Variants in ANO6 observed in about 807,000 individuals in gnomAD.
ANO6 encodes the protein anoctamin 6.
A neutral mutation model predicts 117.5 loss-of-function variants in ANO6; 106 were observed. The observed-to-expected ratio is 0.90, with a 90% CI of 0.77 to 1.06. The LOEUF (loss-of-function observed/expected upper bound fraction) is 1.06, where lower values mean the gene tolerates loss of function less well. Ranked by LOEUF, ANO6 falls within the 50% of genes least tolerant of loss-of-function variation. The pLI is 0.00. For missense variants in ANO6, 955 were observed against 1,121.1 expected (o/e 0.85, Z 2.12); for synonymous variants, 367 against 385.1 (o/e 0.95, Z 0.55).
In ANO6 at chr12:45,432,222, A is replaced by T. The variant is rs953700107; in HGVS notation, c.*2911A>T. On this transcript the variant is annotated 3_prime_UTR_variant, in exon 20 of 20. Transcript: ENST00000320560. ...TTTCACACATTGTGGCATAAGATGTAAAGTTTGTAATTAATGTTAATTTCT... is the reference window on the plus strand; with the variant it reads ...TTTCACACATTGTGGCATAAGATGTTAAGTTTGTAATTAATGTTAATTTCT... The T allele has an allele frequency of 3.2e-5, 31 of 980,090 alleles. No individual in the cohort carries two copies. Among genetic ancestry groups the T allele is most frequent in the Non-Finnish European group, 4.8e-6 (4 of 825,868 alleles). 60.7% of individuals were successfully genotyped at this position (980,090 alleles called of 1,614,324 possible).
At chr12:45,403,390 A>AT (rs1942847070) in intron 14 of ANO6, 49 bp from the exon 15 acceptor site, 1 of 1,548,502 alleles carries the variant, frequency 6.5e-7, no homozygotes, top group Admixed American at 1.7e-5. Context: ...CTATATTTCA[A>AT]GTTAGATCCA....
At chr12:45,221,321 A>C (rs1198194901) in intron 1 of ANO6, among the ~76,000 whole-genome samples, 2 of 152,206 alleles carry the variant, frequency 1.3e-5, no homozygotes, top group Non-Finnish European at 2.9e-5. Flanking sequence ...TAAAAGGTAC[A>C]TATAAAACTG....
chr12:45,295,445 G>A (rs1211986037), intron 1 of ANO6, among the ~76,000 whole-genome samples: 1 of 152,254 alleles, frequency 6.6e-6, no homozygotes, highest in African/African-American at 2.4e-5. Context: ...AGACTCAGCT[G>A]AAGTGATGTG....
intron 1 of ANO6, among the ~76,000 whole-genome samples, chr12:45,216,799 C>G (rs894466696): frequency 1.3e-5 from 2 of 152,204 alleles, no homozygotes; most frequent in South Asian, 2.1e-4. Flanking sequence ...GGAGCAGGCC[C>G]GCATTTGGAG....
chr12:45,281,022 C>A (rs1251053845), intron 1 of ANO6, among the ~76,000 whole-genome samples: 1 of 152,072 alleles, frequency 6.6e-6, no homozygotes, highest in Admixed American at 6.6e-5. Context: ...ATCAGTGATC[C>A]TCCTGTGTTT....
intron 1 of ANO6, among the ~76,000 whole-genome samples, chr12:45,255,818 GTTT>G (rs551517877): frequency 2.4e-4 from 20 of 81,696 alleles, no homozygotes; most frequent in African/African-American, 4.5e-4. Flanking sequence ...CTCCCTGGGT[GTTT>G]TTTTTTTTTT....
chr12:45,296,366 CCTT>C (rs1939294343), intron 1 of ANO6, among the ~76,000 whole-genome samples: 1 of 152,160 alleles, frequency 6.6e-6, no homozygotes, highest in African/African-American at 2.4e-5. Flanking sequence ...TCTGTACCCT[CCTT>C]ATCTTGATAT....
At position 45,431,257 on chromosome 12, in the gene ANO6, G is replaced by A. The variant is rs115045215; in HGVS notation, c.*1946G>A. ...ACTCTTTCTCATTCGCAGCCAAGAC[G>A]GGAGTGCCACTGTTCCTCTCTTCAC... On this transcript the variant is annotated 3_prime_UTR_variant, in exon 20 of 20. Transcript: ENST00000320560. The A allele has an allele frequency of 9.3e-4, 915 of 985,330 alleles. 5 individuals carry two copies. The African/African-American group carries it at 0.015, about 16-fold the overall frequency. 61.0% of individuals were successfully genotyped at this position (985,330 alleles called of 1,614,324 possible).
intron 8 of ANO6, among the ~76,000 whole-genome samples, chr12:45,364,565 T>C (rs1214484149): frequency 3.3e-5 from 5 of 152,236 alleles, no homozygotes; most frequent in African/African-American, 1.2e-4. Context: ...TCTTCTGCTA[T>C]TTCATATCTG....
intron 19 of ANO6, among the ~76,000 whole-genome samples, chr12:45,427,365 C>T (rs916802695): frequency 1.3e-5 from 2 of 152,092 alleles, no homozygotes; most frequent in East Asian, 1.9e-4. Flanking sequence ...TCACCTGCTC[C>T]GCACCATCCT....
chr12:45,322,513 C>T (rs1940314187), intron 2 of ANO6, among the ~76,000 whole-genome samples: 1 of 152,136 alleles, frequency 6.6e-6, no homozygotes, highest in Non-Finnish European at 1.5e-5. Context: ...CTGAGAGTAA[C>T]TAATGGTTTT....
intron 7 of ANO6, among the ~76,000 whole-genome samples, chr12:45,352,560 T>TAAAAA (rs5797940): frequency 0.024 from 2,214 of 93,814 alleles, 26 homozygotes; most frequent in Non-Finnish European, 0.033. Context: ...GATCCAGTCT[T>TAAAAA]AAAAAAAAAA....
chr12:45,359,190 C>T (rs60011223), intron 8 of ANO6, among the ~76,000 whole-genome samples: 4,951 of 152,268 alleles, frequency 0.033, 243 homozygotes, highest in African/African-American at 0.11. Flanking sequence ...TCCCTTAGCC[C>T]CTGGCAACCA....
intron 1 of ANO6, among the ~76,000 whole-genome samples, chr12:45,272,079 G>T (rs1028499039): frequency 6.6e-6 from 1 of 152,054 alleles, no homozygotes; most frequent in South Asian, 2.1e-4. Context: ...AATCAATTTA[G>T]TTGGAGGTAA....
chr12:45,285,678 G>A (rs536153658), intron 1 of ANO6, among the ~76,000 whole-genome samples: 30 of 150,444 alleles, frequency 2.0e-4, no homozygotes, highest in Admixed American at 1.4e-3. Flanking sequence ...GCAGTGAGCC[G>A]AGATCGCGCC....
At chr12:45,221,562 T>C (rs982204798) in intron 1 of ANO6, among the ~76,000 whole-genome samples, 2 of 151,776 alleles carry the variant, frequency 1.3e-5, no homozygotes, top group African/African-American at 4.8e-5. Flanking sequence ...ATGAAAAGAG[T>C]GATAGGATTG....
At chr12:45,363,423 G>T (rs1941605638) in intron 8 of ANO6, among the ~76,000 whole-genome samples, 2 of 152,008 alleles carry the variant, frequency 1.3e-5, no homozygotes, top group Admixed American at 1.3e-4. Context: ...ACTTAGCCGG[G>T]CATGGTGACA....
At chr12:45,274,837 C>T (rs1938501638) in intron 1 of ANO6, among the ~76,000 whole-genome samples, 1 of 147,230 alleles carries the variant, frequency 6.8e-6, no homozygotes, top group Admixed American at 6.9e-5. Context: ...CAACTCCTTT[C>T]TCATCTAGGA....
intron 1 of ANO6, among the ~76,000 whole-genome samples, chr12:45,218,778 C>T (rs905525916): frequency 4.6e-5 from 7 of 152,126 alleles, no homozygotes; most frequent in African/African-American, 7.2e-5. Context: ...ATTTTAACCT[C>T]TGCCTTTAAT....
Sources: allele counts gnomAD v4.1 joint callset (sites outside exome capture counted in the v4.1 genomes callset), GRCh38; gene constraint gnomAD v4.1.1; transcripts MANE v1.5; gene names NCBI Gene and HGNC (gene_info 2026-07-23, HGNC 2026-07-21).